SEMA3E: variants seen among roughly 807,000 people sequenced by gnomAD.
SEMA3E encodes semaphorin 3E, also known as semaphorin-3E.
Under a neutral mutation model 93.6 loss-of-function variants are expected in SEMA3E, and 49 were observed. The observed-to-expected ratio is 0.52, with a 90% CI of 0.42 to 0.66. The LOEUF (loss-of-function observed/expected upper bound fraction) is 0.66, where lower values mean the gene tolerates loss of function less well. Ranked by LOEUF, SEMA3E falls within the 30% of genes least tolerant of loss-of-function variation. SEMA3E has a pLI of 0.00. For synonymous variants in SEMA3E, 363 were observed against 330.7 expected (o/e 1.10, Z -1.06); for missense variants, 906 against 964.8 (o/e 0.94, Z 0.81).
intron 5 of SEMA3E, among the ~76,000 whole-genome samples, chr7:83,412,298 C>G (rs913780458): frequency 2.0e-5 from 3 of 151,974 alleles, no homozygotes; most frequent in Non-Finnish European, 2.9e-5. Flanking sequence ...TTATTGACTC[C>G]TTGTGTGTTT....
chr7:83,409,323 C>T (rs905434547), intron 5 of SEMA3E, among the ~76,000 whole-genome samples: 4 of 152,092 alleles, frequency 2.6e-5, no homozygotes, highest in African/African-American at 9.7e-5. Context: ...TCCCAAAACT[C>T]ACAAGAGGTA....
At chr7:83,641,446 T>C in intron 1 of SEMA3E, 1 of 921,696 alleles carries the variant, frequency 1.1e-6, no homozygotes, top group Non-Finnish European at 1.3e-6. Context: ...TTAGGCAGTG[T>C]GGTCTGGCCT....
intron 13 of SEMA3E, among the ~76,000 whole-genome samples, 192 bp from the exon 14 acceptor site, chr7:83,392,913 C>CA (rs1219589447): frequency 6.6e-6 from 1 of 151,132 alleles, no homozygotes; most frequent in Non-Finnish European, 1.5e-5. Context: ...ACTAAAAATA[C>CA]AAAAAATTAG....
rs542786967 is a variant in SEMA3E, at chr7:83,648,712, G to C, written c.-170C>G. ...CATTTGTCAGGCTGTATTTGGCTATGTAAAACCTTTCTTTCCTCGGGACAG... is the reference window on the plus strand; with the variant it reads ...CATTTGTCAGGCTGTATTTGGCTATCTAAAACCTTTCTTTCCTCGGGACAG... On this transcript the variant is annotated 5_prime_UTR_variant, in exon 1 of 17. Coordinates refer to ENST00000643230, the MANE Select transcript of SEMA3E (RefSeq NM_012431.3). 4 of 680,672 alleles carry C rather than the reference G, an allele frequency of 5.9e-6. No homozygotes were observed. Among genetic ancestry groups the C allele is most frequent in the Non-Finnish European group, 1.1e-5 (4 of 370,740 alleles). The allele number at this position is 680,672 out of a possible 1,614,324, so 42.2% of individuals were successfully genotyped here.
chr7:83,451,134 A>T lies in SEMA3E; in HGVS notation c.456+15348T>A, dbSNP rs562789161. The stretch of plus-strand genomic sequence containing the variant: ...GTCTCCTTCCTGCCATCATGTGAAG[A>T]AGGACAGGTTTGCTTCCACTTCCAC... On this transcript the variant is annotated intron_variant, in intron 4 of 16. Transcript: ENST00000643230. 5.9e-4 allele frequency among the ~76,000 whole-genome samples: 90 copies of T among 152,246 alleles called. 1 individual carries two copies. Among genetic ancestry groups the T allele is most frequent in the Non-Finnish European group, 1.1e-3 (77 of 68,014 alleles).
chr7:83,578,338 C>G (rs926862655), intron 1 of SEMA3E, among the ~76,000 whole-genome samples: 1 of 152,104 alleles, frequency 6.6e-6, no homozygotes, highest in East Asian at 1.9e-4. Flanking sequence ...GGGTGGATCA[C>G]TTGATATCAG....
chr7:83,562,523 A>G (rs969324927), intron 1 of SEMA3E, among the ~76,000 whole-genome samples: 1 of 144,912 alleles, frequency 6.9e-6, no homozygotes, highest in African/African-American at 2.6e-5. Context: ...TGTATGTGTG[A>G]TGGAACCACT....
intron 1 of SEMA3E, among the ~76,000 whole-genome samples, chr7:83,588,488 T>C (rs1398671360): frequency 6.6e-6 from 1 of 152,148 alleles, no homozygotes; most frequent in Admixed American, 6.6e-5. Context: ...GATCTAAGCA[T>C]GGCTTGGTCA....
intron 5 of SEMA3E, among the ~76,000 whole-genome samples, chr7:83,416,780 C>G (rs1201681065): frequency 6.6e-6 from 1 of 151,794 alleles, no homozygotes; most frequent in East Asian, 1.9e-4. Flanking sequence ...AATTCACTAA[C>G]AACTTCAGAA....
Position 83,611,634 on chromosome 7 carries a change from C to A in SEMA3E, c.115+36794G>T, listed in dbSNP as rs1793269530. ...GTACCTCTCTACCTCCCATATCCTA[C>A]AAGAATCTACTGGCAAAGCCCATCA... On this transcript the variant is annotated intron_variant, in intron 1 of 16. Transcript: ENST00000643230. 2.0e-5 allele frequency among the ~76,000 whole-genome samples: 3 copies of A among 151,800 alleles called. No homozygotes were observed. The South Asian group carries it at 6.2e-4, about 31-fold the overall frequency.
Position 83,555,154 on chromosome 7 carries a change from C to A in SEMA3E, c.116-64880G>T, listed in dbSNP as rs898922448. On this transcript the variant is annotated intron_variant, in intron 1 of 16. Coordinates refer to ENST00000643230, the MANE Select transcript of SEMA3E (RefSeq NM_012431.3). Reference sequence around the variant, plus strand: ...TTTCTTACTATTATTTATTGTAGACCAAAAATGCATTTTACCCAAAAATAA... The same window carrying A: ...TTTCTTACTATTATTTATTGTAGACAAAAAATGCATTTTACCCAAAAATAA... Among the ~76,000 whole-genome samples the A allele has an allele frequency of 2.6e-5, 4 of 151,914 alleles. No homozygotes were observed. In the East Asian group the frequency reaches 5.8e-4, roughly 22 times the overall value.
At chr7:83,623,341 A>G (rs1358591423) in intron 1 of SEMA3E, among the ~76,000 whole-genome samples, 3 of 152,182 alleles carry the variant, frequency 2.0e-5, no homozygotes, top group Non-Finnish European at 4.4e-5. Flanking sequence ...TGGAGGAAGC[A>G]TATCTCTAAT....
chr7:83,537,629 T>A (rs1056634256), intron 1 of SEMA3E, among the ~76,000 whole-genome samples: 1 of 152,212 alleles, frequency 6.6e-6, no homozygotes, highest in African/African-American at 2.4e-5. Flanking sequence ...AGTGTTTACC[T>A]TCAATCTCTA....
chr7:83,478,622 G>T (rs1790072817), intron 2 of SEMA3E, among the ~76,000 whole-genome samples: 1 of 152,130 alleles, frequency 6.6e-6, no homozygotes, highest in African/African-American at 2.4e-5. Context: ...TAAACAAAGG[G>T]TGTACAGTTA....
chr7:83,526,313 T>C (rs1207394049), intron 1 of SEMA3E, among the ~76,000 whole-genome samples: 1 of 152,176 alleles, frequency 6.6e-6, no homozygotes, highest in Non-Finnish European at 1.5e-5. Flanking sequence ...ATATTTATTG[T>C]TTCACTTGTT....
intron 1 of SEMA3E, among the ~76,000 whole-genome samples, chr7:83,535,618 A>G (rs1433200617): frequency 6.6e-6 from 1 of 152,134 alleles, no homozygotes. Context: ...TTCTGATATT[A>G]CAATCCAAAG....
At chr7:83,559,975 A>C (rs540273310) in intron 1 of SEMA3E, among the ~76,000 whole-genome samples, 23 of 152,204 alleles carry the variant, frequency 1.5e-4, no homozygotes, top group African/African-American at 5.5e-4. Flanking sequence ...AAGGCTACAC[A>C]CTGTATGATT....
At chr7:83,599,862 T>G (rs1468952290) in intron 1 of SEMA3E, among the ~76,000 whole-genome samples, 1 of 152,240 alleles carries the variant, frequency 6.6e-6, no homozygotes, top group East Asian at 1.9e-4. Flanking sequence ...ACAATTATTT[T>G]TAAAAGACCG....
intron 1 of SEMA3E, among the ~76,000 whole-genome samples, chr7:83,558,648 T>C (rs1791967838): frequency 6.6e-6 from 1 of 152,094 alleles, no homozygotes; most frequent in African/African-American, 2.4e-5. Flanking sequence ...ATGAACCAAC[T>C]ATTTTAGTAT....
Sources: gnomAD v4.1 joint callset for allele counts (sites outside exome capture counted in the v4.1 genomes callset) on GRCh38, gnomAD v4.1.1 for gene constraint, MANE v1.5 for transcripts, NCBI Gene and HGNC (gene_info 2026-07-23, HGNC 2026-07-21) for gene names.